MAS1: variants seen among roughly 807,000 people sequenced by gnomAD.
The protein encoded by MAS1 is proto-oncogene Mas.
For missense variants in MAS1, 387 were observed against 409.7 expected (o/e 0.94, Z 0.48); for synonymous variants, 163 against 164.2 (o/e 0.99, Z 0.05).
At chr6:159,905,301 A>T (rs1433850741) in intron 2 of MAS1, among the ~76,000 whole-genome samples, 3 of 152,216 alleles carry the variant, frequency 2.0e-5, no homozygotes, top group Non-Finnish European at 2.9e-5. Flanking sequence ...TCTCTACAGC[A>T]GGGCTTTGGT....
Position 159,907,827 on chromosome 6 carries a change from T to G in MAS1, c.872T>G (p.Phe291Cys), listed in dbSNP as rs1782915110. Residue 291 changes from phenylalanine to cysteine, a missense_variant, in exon 3 of 3, where the codon TTC becomes TGC. Coordinates refer to ENST00000674077, the MANE Select transcript of MAS1 (RefSeq NM_002377.4). ...FFVGSSKKKRFKESLKVVLTR... is the reference protein window; with the variant it reads ...FFVGSSKKKRCKESLKVVLTR... The stretch of plus-strand genomic sequence containing the variant: ...GTGGGAAGCAGTAAGAAGAAGAGAT[T>G]CAAGGAGTCCTTAAAAGTTGTTCTG... The G allele has an allele frequency of 6.2e-7, 1 of 1,612,576 alleles. No individual in the cohort carries two copies. The highest frequency in any genetic ancestry group is 1.3e-5 in the African/African-American group (1 of 74,442).
At chr6:159,897,031 G>A (rs1229439251) in intron 1 of MAS1, among the ~76,000 whole-genome samples, 1 of 151,964 alleles carries the variant, frequency 6.6e-6, no homozygotes, top group Non-Finnish European at 1.5e-5. Context: ...CCGCCACCAC[G>A]CCCGGCTAAT....
chr6:159,895,205 G>A (rs1782741183), intron 1 of MAS1, among the ~76,000 whole-genome samples: 1 of 152,170 alleles, frequency 6.6e-6, no homozygotes, highest in Non-Finnish European at 1.5e-5. Context: ...GGGCAGGGGA[G>A]GGCTAGAAAT....
intron 1 of MAS1, among the ~76,000 whole-genome samples, chr6:159,898,936 A>G (rs1368567438): frequency 6.6e-6 from 1 of 152,206 alleles, no homozygotes; most frequent in Non-Finnish European, 1.5e-5. Flanking sequence ...TGCAGGACCC[A>G]GGGAGCACCA....
At chr6:159,904,816 G>A (rs1015745716) in intron 2 of MAS1, among the ~76,000 whole-genome samples, 3 of 152,184 alleles carry the variant, frequency 2.0e-5, no homozygotes, top group Admixed American at 6.5e-5. Flanking sequence ...TCTCCTTGCC[G>A]GGCCGTTCCT....
rs1425530877 is a variant in MAS1, at chr6:159,907,472, G to A, written c.517G>A (p.Asp173Asn). 1.4e-5 allele frequency: 23 copies of A among 1,613,762 alleles called. No individual in the cohort carries two copies. Among genetic ancestry groups the A allele is most frequent in the Non-Finnish European group, 1.9e-5 (23 of 1,180,024 alleles). The stretch of plus-strand genomic sequence containing the variant: ...CACCATGGAGTATGTCATGTGCATC[G>A]ACAGAGAAGAAGAGAGTCACTCTCG... ...VTTMEYVMCI[D>N]REEESHSRND... Residue 173 changes from aspartate (D) to asparagine (N), a missense_variant, in exon 3 of 3, where the codon GAC becomes AAC. Asp to Asn is a conservative substitution (Grantham distance 23). Coordinates refer to ENST00000674077, the MANE Select transcript of MAS1 (RefSeq NM_002377.4).
At chr6:159,900,449 C>A (rs1278283166) in intron 2 of MAS1, among the ~76,000 whole-genome samples, 7 of 152,204 alleles carry the variant, frequency 4.6e-5, no homozygotes, top group African/African-American at 1.7e-4. Flanking sequence ...TTCTCGCCAT[C>A]TGCTATTTCA....
intron 2 of MAS1, among the ~76,000 whole-genome samples, chr6:159,900,771 C>G (rs1261278379): frequency 6.6e-6 from 1 of 152,108 alleles, no homozygotes; most frequent in Admixed American, 6.5e-5. Flanking sequence ...AGAGTGTATT[C>G]TTAGAACTGT....
intron 1 of MAS1, among the ~76,000 whole-genome samples, chr6:159,895,505 A>G (rs1320728390): frequency 6.6e-6 from 1 of 152,256 alleles, no homozygotes; most frequent in African/African-American, 2.4e-5. Flanking sequence ...GTTGTAACGT[A>G]TAACATATAA....
rs968067548 is a variant in MAS1 at position 159,891,138 on chromosome 6, G to A, written c.-244+5G>A. 6.6e-6 allele frequency among the ~76,000 whole-genome samples: 1 copy of A among 152,216 alleles called. No homozygotes were observed. The highest frequency in any genetic ancestry group is 6.5e-5 in the Admixed American group (1 of 15,288). On this transcript the variant is annotated splice_donor_5th_base_variant and intron_variant, in intron 1 of 2. Coordinates refer to ENST00000674077, the MANE Select transcript of MAS1 (RefSeq NM_002377.4). Reference sequence around the variant, plus strand: ...CTTCCTGAGCAAATGACACCAGTGAGTCTGCGTCCCAGTTTTTCATTGCTT... The same window carrying A: ...CTTCCTGAGCAAATGACACCAGTGAATCTGCGTCCCAGTTTTTCATTGCTT...
Position 159,908,004 on chromosome 6 carries a change from C to T in MAS1, c.*71C>T, listed in dbSNP as rs1782918668. ...TTTTTAGTTTGTGCTTGGAATATGACTTAAGTATCTCCTAAATGTGATACA... is the reference window on the plus strand; with the variant it reads ...TTTTTAGTTTGTGCTTGGAATATGATTTAAGTATCTCCTAAATGTGATACA... On this transcript the variant is annotated 3_prime_UTR_variant, in exon 3 of 3. Coordinates refer to ENST00000674077, the MANE Select transcript of MAS1 (RefSeq NM_002377.4). 2.0e-6 allele frequency: 3 copies of T among 1,476,902 alleles called. No individual in the cohort carries two copies. The highest frequency in any genetic ancestry group is 2.8e-5 in the African/African-American group (2 of 70,620). The allele number at this position is 1,476,902 out of a possible 1,614,324, so 91.5% of individuals were successfully genotyped here.
At chr6:159,903,203 C>T (rs1317344871) in intron 2 of MAS1, among the ~76,000 whole-genome samples, 2 of 152,128 alleles carry the variant, frequency 1.3e-5, no homozygotes, top group East Asian at 1.9e-4. Context: ...TTACCTCCCT[C>T]ATGCCCTCAT....
intron 1 of MAS1, among the ~76,000 whole-genome samples, chr6:159,895,578 A>G (rs1307900590): frequency 1.3e-5 from 2 of 152,260 alleles, no homozygotes; most frequent in Non-Finnish European, 2.9e-5. Context: ...TAGAGTATGA[A>G]AAAACAATCC....
rs533084474 is a variant in MAS1 at position 159,894,572 on chromosome 6, C to T, written c.-244+3439C>T. Among the ~76,000 whole-genome samples, 3 of 152,242 alleles carry T rather than the reference C, an allele frequency of 2.0e-5. No homozygotes were observed. In the South Asian group the frequency reaches 6.2e-4, roughly 32 times the overall value. On this transcript the variant is annotated intron_variant, in intron 1 of 2. Coordinates refer to ENST00000674077, the MANE Select transcript of MAS1 (RefSeq NM_002377.4). Reference sequence around the variant, plus strand: ...GAAATATGCTAGGCTCTGGCATCATCTCGGAGACAAGAGGCGAGGAGACGT... The same window carrying T: ...GAAATATGCTAGGCTCTGGCATCATTTCGGAGACAAGAGGCGAGGAGACGT...
chr6:159,894,937 G>C lies in MAS1; in HGVS notation c.-244+3804G>C, dbSNP rs745850906. Among the ~76,000 whole-genome samples the C allele has an allele frequency of 1.3e-5, 2 of 151,974 alleles. 1 individual carries two copies. The highest frequency in any genetic ancestry group is 4.1e-4 in the South Asian group (2 of 4,834). ...TGTGTTTGTGTTGTTTTGGTTATGG[G>C]TTTGGTATTGGGTAGGTGGTGCTTT... On this transcript the variant is annotated intron_variant, in intron 1 of 2. Transcript: ENST00000674077.
At position 159,916,851 on chromosome 6, in the gene MAS1, A is replaced by G. The variant is rs1783032969; in HGVS notation, c.*8918A>G. On this transcript the variant is annotated 3_prime_UTR_variant, in exon 3 of 3. Transcript: ENST00000674077. ...GCAATGACAACTCTGTGGGTGTGTG[A>G]AAGCAGACACTGCTTAGATGAACGA... Among the ~76,000 whole-genome samples, 1 of 152,286 alleles carries G rather than the reference A, an allele frequency of 6.6e-6. No homozygotes were observed. Among genetic ancestry groups the G allele is most frequent in the Non-Finnish European group, 1.5e-5 (1 of 68,056 alleles).
In MAS1 at chr6:159,907,834, G is replaced by A; in HGVS notation, c.879G>A (p.Glu293=). ...GCAGTAAGAAGAAGAGATTCAAGGA[G>A]TCCTTAAAAGTTGTTCTGACCAGGG... ...VGSSKKKRFK[E]SLKVVLTRAF... is the part of the protein sequence containing the mutation. Residue 293 remains glutamate, a synonymous_variant, in exon 3 of 3, where the codon GAG becomes GAA. Coordinates refer to ENST00000674077, the MANE Select transcript of MAS1 (RefSeq NM_002377.4). The A allele has an allele frequency of 6.2e-7, 1 of 1,612,460 alleles. No individual in the cohort carries two copies.
At chr6:159,896,966 C>T (rs1782760824) in intron 1 of MAS1, among the ~76,000 whole-genome samples, 1 of 152,034 alleles carries the variant, frequency 6.6e-6, no homozygotes, top group Non-Finnish European at 1.5e-5. Flanking sequence ...CTCCGCCTCT[C>T]GGGTTCACGC....
rs1281468206 is a variant in MAS1, at chr6:159,908,010, T to C, written c.*77T>C. The C allele has an allele frequency of 6.9e-7, 1 of 1,459,152 alleles. No individual in the cohort carries two copies. The highest frequency in any genetic ancestry group is 1.4e-5 in the African/African-American group (1 of 70,168). 90.4% of individuals were successfully genotyped at this position (1,459,152 alleles called of 1,614,324 possible). On this transcript the variant is annotated 3_prime_UTR_variant, in exon 3 of 3. Coordinates refer to ENST00000674077, the MANE Select transcript of MAS1 (RefSeq NM_002377.4). ...GTTTGTGCTTGGAATATGACTTAAG[T>C]ATCTCCTAAATGTGATACAGAAGAA...
Sources: gnomAD v4.1 joint callset for allele counts (sites outside exome capture counted in the v4.1 genomes callset) on GRCh38, gnomAD v4.1.1 for gene constraint, MANE v1.5 for transcripts, NCBI Gene and HGNC (gene_info 2026-07-23, HGNC 2026-07-21) for gene names.